Variants in KIAA0319L observed in about 807,000 individuals in gnomAD.
KIAA0319L encodes KIAA0319 like.
KIAA0319L carries 55 observed loss-of-function variants against 120.1 expected under a neutral mutation model. The observed-to-expected ratio is 0.46, with a 90% CI of 0.37 to 0.57. The LOEUF is 0.57. KIAA0319L is among the 20% of genes least tolerant of loss of function. The pLI, the probability that KIAA0319L is intolerant of heterozygous loss-of-function variation, is 0.00. For missense variants in KIAA0319L, 1,049 were observed against 1,255.3 expected (o/e 0.84, Z 2.48); for synonymous variants, 398 against 471.9 (o/e 0.84, Z 2.03).
chr1:35,507,782 G>A (rs573978385), intron 2 of KIAA0319L, among the ~76,000 whole-genome samples: 5 of 152,164 alleles, frequency 3.3e-5, no homozygotes, highest in Non-Finnish European at 7.3e-5. Flanking sequence ...TTTTAACCAC[G>A]AGAGCAATTC....
intron 3 of KIAA0319L, among the ~76,000 whole-genome samples, chr1:35,483,207 T>C (rs1644244200): frequency 6.6e-6 from 1 of 152,210 alleles, no homozygotes; most frequent in South Asian, 2.1e-4. Context: ...TTTCGTTTTG[T>C]TAGTGTTAGC....
chr1:35,471,008 A>G (rs2149125307), intron 5 of KIAA0319L, 48 bp from the exon 6 acceptor site: 1 of 1,055,354 alleles, frequency 9.5e-7, no homozygotes, highest in African/African-American at 1.6e-5. Flanking sequence ...ACCAACACAC[A>G]AAGAGGACAG....
chr1:35,473,670 C>T (rs1333787580), intron 5 of KIAA0319L, among the ~76,000 whole-genome samples: 3 of 152,104 alleles, frequency 2.0e-5, no homozygotes, highest in East Asian at 3.8e-4. Flanking sequence ...AAGGAAACCT[C>T]GATTTGAGAG....
intron 8 of KIAA0319L, among the ~76,000 whole-genome samples, 199 bp from the exon 9 acceptor site, chr1:35,460,636 T>G (rs1260822511): frequency 1.3e-5 from 2 of 152,218 alleles, no homozygotes; most frequent in African/African-American, 4.8e-5. Flanking sequence ...CTGTGTAGTT[T>G]TCCAAGAACT....
At chr1:35,528,558 G>T (rs1646241467) in intron 2 of KIAA0319L, among the ~76,000 whole-genome samples, 1 of 152,204 alleles carries the variant, frequency 6.6e-6, no homozygotes, top group Admixed American at 6.5e-5. Flanking sequence ...CCTAGAGAAT[G>T]TTCCATGTGT....
In KIAA0319L at chr1:35,470,839, G is replaced by T. The variant is rs768463145; in HGVS notation, c.1113+24C>A. On this transcript the variant is annotated intron_variant, in intron 6 of 20. Coordinates refer to ENST00000325722, the MANE Select transcript of KIAA0319L (RefSeq NM_024874.5). ...CAGTCAACTCCTCTACCTTTGCCCT[G>T]CAAGTGAAAGGAGGCAAATTCACCT... is the stretch of plus-strand genomic sequence containing the variant. 1.6e-5 allele frequency: 23 copies of T among 1,427,254 alleles called. No homozygotes were observed. The East Asian group carries it at 5.0e-4, about 31-fold the overall frequency. 88.4% of individuals were successfully genotyped at this position (1,427,254 alleles called of 1,614,324 possible).
intron 15 of KIAA0319L, among the ~76,000 whole-genome samples, chr1:35,448,935 C>T (rs1311734105): frequency 6.6e-6 from 1 of 152,198 alleles, no homozygotes; most frequent in Non-Finnish European, 1.5e-5. Context: ...GTGAGGCTAT[C>T]ATGTTTTACT....
intron 4 of KIAA0319L, among the ~76,000 whole-genome samples, chr1:35,478,031 A>T (rs1281411835): frequency 6.6e-6 from 1 of 152,178 alleles, no homozygotes. Context: ...GAATAAAGAA[A>T]ATGTGGTGCT....
chr1:35,530,320 C>T lies in KIAA0319L; in HGVS notation c.143-23185G>A, dbSNP rs1030338698. ...GAATTACAGCCATGAACCACTGCAC[C>T]CAGCCCGAGTTCTGAAATTCTTTCT... On this transcript the variant is annotated intron_variant, in intron 2 of 20. Transcript: ENST00000325722. Among the ~76,000 whole-genome samples the T allele has an allele frequency of 3.3e-5, 5 of 152,064 alleles. No individual in the cohort carries two copies. In the South Asian group the frequency reaches 1.0e-3, roughly 32 times the overall value.
intron 3 of KIAA0319L, among the ~76,000 whole-genome samples, chr1:35,484,786 ATATATATATATATATATATAT>A (rs959504253): frequency 9.7e-5 from 6 of 61,926 alleles, no homozygotes; most frequent in African/African-American, 1.3e-4. Context: ...ATATATATAT[ATATATATATATATATATATAT>A]TTTTTTTTTT....
chr1:35,552,059 T>A (rs1236169350), intron 2 of KIAA0319L, among the ~76,000 whole-genome samples: 7 of 150,290 alleles, frequency 4.7e-5, no homozygotes, highest in Non-Finnish European at 8.9e-5. Context: ...AAAAAAAAAA[T>A]TGCCACCAGG....
At chr1:35,543,416 T>C (rs772462325) in intron 2 of KIAA0319L, among the ~76,000 whole-genome samples, 1 of 152,244 alleles carries the variant, frequency 6.6e-6, no homozygotes, top group Non-Finnish European at 1.5e-5. Flanking sequence ...GACTCATTGC[T>C]GTAAGATATA....
intron 15 of KIAA0319L, among the ~76,000 whole-genome samples, 190 bp from the exon 16 acceptor site, chr1:35,448,522 T>G (rs1215575104): frequency 1.3e-5 from 2 of 152,178 alleles, no homozygotes. Flanking sequence ...AAAGCACTCC[T>G]GCTCTCTATA....
chr1:35,555,661 T>C (rs1040009083), intron 1 of KIAA0319L, among the ~76,000 whole-genome samples: 2 of 152,208 alleles, frequency 1.3e-5, no homozygotes, highest in Non-Finnish European at 1.5e-5. Flanking sequence ...AGTTAGAAAG[T>C]ACATCCAGCA....
chr1:35,487,441 G>A (rs1246436436), intron 3 of KIAA0319L, among the ~76,000 whole-genome samples: 2 of 152,136 alleles, frequency 1.3e-5, no homozygotes, highest in African/African-American at 4.8e-5. Flanking sequence ...TTTTAGTAGA[G>A]ACGGGGTTTC....
intron 2 of KIAA0319L, among the ~76,000 whole-genome samples, chr1:35,545,973 A>G (rs964700305): frequency 6.6e-6 from 1 of 152,170 alleles, no homozygotes; most frequent in East Asian, 1.9e-4. Context: ...ATAGGGAATA[A>G]AGGAAAAGAA....
rs530983735 is a variant in KIAA0319L, at chr1:35,468,369, A to T, written c.1114-1674T>A. ...GCCTGCTTATTTCTTCACTCTGCAC[A>T]CTCTCCCTGGTTGATTTTATCTATT... On this transcript the variant is annotated intron_variant, in intron 6 of 20. Coordinates refer to ENST00000325722, the MANE Select transcript of KIAA0319L (RefSeq NM_024874.5). 2.0e-5 allele frequency among the ~76,000 whole-genome samples: 3 copies of T among 151,554 alleles called. No individual in the cohort carries two copies. In the South Asian group the frequency reaches 6.3e-4, roughly 32 times the overall value.
At chr1:35,501,738 C>T (rs1019325393) in intron 3 of KIAA0319L, among the ~76,000 whole-genome samples, 9 of 151,940 alleles carry the variant, frequency 5.9e-5, no homozygotes, top group African/African-American at 1.7e-4. Context: ...ATTAGCTGGG[C>T]GTGATGGCTC....
chr1:35,510,929 T>G (rs1645416447), intron 2 of KIAA0319L: 1 of 151,760 alleles, frequency 6.6e-6, no homozygotes, highest in Admixed American at 6.6e-5. Flanking sequence ...GCCTTTTAAA[T>G]GTAAGGAATG....
Sources: allele counts gnomAD v4.1 joint callset (sites outside exome capture counted in the v4.1 genomes callset), GRCh38; gene constraint gnomAD v4.1.1; transcripts MANE v1.5; gene names NCBI Gene and HGNC (gene_info 2026-07-23, HGNC 2026-07-21).